Variants in GLIS3 observed in about 807,000 individuals in gnomAD.
The protein encoded by GLIS3 is zinc finger protein GLIS3.
A neutral mutation model predicts 78.6 loss-of-function variants in GLIS3; 53 were observed. The ratio of observed to expected loss-of-function variants is 0.67; its 90% CI spans 0.54 to 0.85. The LOEUF (loss-of-function observed/expected upper bound fraction) is 0.85, where lower values mean the gene tolerates loss of function less well. GLIS3 is among the 40% of genes least tolerant of loss of function. The probability of loss-of-function intolerance (pLI) is 0.00; values close to 1 mark genes in which losing one functional copy is unlikely to be tolerated. For missense variants in GLIS3, 1,703 were observed against 1,231.1 expected (o/e 1.38, Z -5.74); for synonymous variants, 684 against 509.9 (o/e 1.34, Z -4.60).
At chr9:4,009,896 G>A (rs2130014951) in intron 4 of GLIS3, among the ~76,000 whole-genome samples, 1 of 152,302 alleles carries the variant, frequency 6.6e-6, no homozygotes, top group East Asian at 1.9e-4. Context: ...ACACAAAGGA[G>A]GCTCTCAAGT....
At chr9:4,258,340 C>T (rs1825177364) in intron 2 of GLIS3, among the ~76,000 whole-genome samples, 1 of 152,060 alleles carries the variant, frequency 6.6e-6, no homozygotes, top group Non-Finnish European at 1.5e-5. Context: ...TATACCAATG[C>T]TGGTTTCTTA....
At chr9:4,293,146 C>T (rs1054803358) in intron 1 of GLIS3, among the ~76,000 whole-genome samples, 1 of 152,168 alleles carries the variant, frequency 6.6e-6, no homozygotes, top group Non-Finnish European at 1.5e-5. Flanking sequence ...ATTCATTATC[C>T]TTTAGTCTGT....
At chr9:4,354,105 G>C in the GLIS3 span, among the ~76,000 whole-genome samples, 1 of 151,870 alleles carries the variant, frequency 6.6e-6, no homozygotes, top group Non-Finnish European at 1.5e-5. Flanking sequence ...CAAAGCGCTG[G>C]GATTACAGGC....
At chr9:4,202,603 G>C (rs1415748674) in intron 2 of GLIS3, among the ~76,000 whole-genome samples, 2 of 152,064 alleles carry the variant, frequency 1.3e-5, no homozygotes, top group Admixed American at 6.6e-5. Flanking sequence ...ATCGCATGGT[G>C]AAAGTACAAA....
At chr9:3,873,628 A>G (rs2130410208) in intron 8 of GLIS3, among the ~76,000 whole-genome samples, 1 of 152,316 alleles carries the variant, frequency 6.6e-6, no homozygotes, top group Non-Finnish European at 1.5e-5. Context: ...ATTTCACATC[A>G]TATGCCCCAT....
intron 9 of GLIS3, among the ~76,000 whole-genome samples, chr9:3,831,674 A>C (rs7870349): frequency 0.99 from 150,874 of 152,324 alleles, 74,746 homozygotes; most frequent in Middle Eastern, 1. Flanking sequence ...ACAGGGACAG[A>C]GATTGCAGCG....
chr9:3,965,431 T>C (rs1014357138), intron 4 of GLIS3, among the ~76,000 whole-genome samples: 3 of 151,950 alleles, frequency 2.0e-5, no homozygotes, highest in African/African-American at 7.2e-5. Context: ...TGACCTCAGG[T>C]GATCTGCCCG....
the GLIS3 span, among the ~76,000 whole-genome samples, chr9:4,398,770 C>T: frequency 6.6e-6 from 1 of 152,178 alleles, no homozygotes; most frequent in Non-Finnish European, 1.5e-5. Flanking sequence ...TCACTGCAAC[C>T]TCTGCCTCCC....
In GLIS3 at chr9:4,321,621, A is replaced by AAT. The variant is rs544341751; in HGVS notation, n.265-11094_265-11093insAT. The stretch of plus-strand genomic sequence containing the variant: ...CCCAGTATCGAGAGCATTACCAATA[A>AAT]CTTACATGTCTCTTTGTGAACCTCC... On this transcript the variant is annotated intron_variant and non_coding_transcript_variant, in intron 2 of 4. Coordinates refer to the GLIS3 transcript ENST00000471664. 2.5e-3 allele frequency among the ~76,000 whole-genome samples: 331 copies of AAT among 132,558 alleles called. 2 individuals carry two copies. The highest frequency in any genetic ancestry group is 8.9e-3 in the African/African-American group (320 of 35,822). The allele number at this position is 132,558 out of a possible 152,430, so 87.0% of individuals were successfully genotyped here.
At chr9:4,003,970 A>G (rs1821334682) in intron 4 of GLIS3, among the ~76,000 whole-genome samples, 1 of 152,196 alleles carries the variant, frequency 6.6e-6, no homozygotes, top group African/African-American at 2.4e-5. Context: ...GATGACTATT[A>G]TTATGATGCC....
At chr9:4,010,133 G>C (rs986450501) in intron 4 of GLIS3, among the ~76,000 whole-genome samples, 1 of 152,110 alleles carries the variant, frequency 6.6e-6, no homozygotes, top group Non-Finnish European at 1.5e-5. Flanking sequence ...CCCGGGGTGG[G>C]GTGAGGGCAG....
At chr9:3,855,032 AT>A (rs1819676233) in intron 9 of GLIS3, among the ~76,000 whole-genome samples, 1 of 152,174 alleles carries the variant, frequency 6.6e-6, no homozygotes, top group Non-Finnish European at 1.5e-5. Flanking sequence ...GGACAGTAGT[AT>A]TTTTCAGAAG....
At chr9:4,096,555 A>C (rs1564042125) in intron 4 of GLIS3, among the ~76,000 whole-genome samples, 1 of 152,218 alleles carries the variant, frequency 6.6e-6, no homozygotes, top group Non-Finnish European at 1.5e-5. Flanking sequence ...TGGCTGAAGG[A>C]CTAAATTAAA....
Position 4,006,587 on chromosome 9 carries a change from A to G in GLIS3, c.1711-69398T>C, listed in dbSNP as rs568098655. 8.5e-5 allele frequency among the ~76,000 whole-genome samples: 13 copies of G among 152,282 alleles called. 1 individual carries two copies. In the South Asian group the frequency reaches 2.7e-3, roughly 32 times the overall value. On this transcript the variant is annotated intron_variant, in intron 4 of 10. Transcript: ENST00000381971. ...GACGACCAAACACCTAGCCCTTTATATGCATTAAGTACTCAGACCAATCTT... is the reference window on the plus strand; with the variant it reads ...GACGACCAAACACCTAGCCCTTTATGTGCATTAAGTACTCAGACCAATCTT...
chr9:4,118,497 C>G lies in GLIS3; in HGVS notation c.981G>C (p.Leu327Phe). 1 of 1,614,190 alleles carries G rather than the reference C, an allele frequency of 6.2e-7. No individual in the cohort carries two copies. The highest frequency in any genetic ancestry group is 2.2e-5 in the East Asian group (1 of 44,870). Reference protein sequence around the residue: ...NTIIRTSPTSLVAYINGSRAS... With the variant: ...NTIIRTSPTSFVAYINGSRAS... ...CCCTCGACCCGTTGATGTAGGCCAC[C>G]AAGGACGTGGGCGACGTGCGGATGA... Residue 327 changes from leucine to phenylalanine, a missense_variant, in exon 4 of 11, where the codon TTG becomes TTC. Transcript: ENST00000381971. The surrounding 1 kb of genome is among the most constrained non-coding windows in gnomAD (Gnocchi z 4.7).
chr9:4,064,842 G>A lies in GLIS3; in HGVS notation c.1710+52926C>T, dbSNP rs118089017. Among the ~76,000 whole-genome samples the A allele has an allele frequency of 4.4e-3, 673 of 152,156 alleles. 1 individual carries two copies. Among genetic ancestry groups the A allele is most frequent in the Non-Finnish European group, 7.5e-3 (513 of 67,998 alleles). ...TCAAACTGAAATTGAGGACTAATTC[G>A]GAAGGAACAAAATAGCAAGAGAGCA... On this transcript the variant is annotated intron_variant, in intron 4 of 10. Coordinates refer to ENST00000381971, the MANE Select transcript of GLIS3 (RefSeq NM_001042413.2).
At chr9:4,176,326 T>G (rs1392563852) in intron 2 of GLIS3, among the ~76,000 whole-genome samples, 1 of 152,202 alleles carries the variant, frequency 6.6e-6, no homozygotes, top group African/African-American at 2.4e-5. Flanking sequence ...AATCATAGTG[T>G]TTTAGGCTAT....
At chr9:4,310,672 C>G (rs964461452) in intron 2 of GLIS3, 3 of 152,372 alleles carry the variant, frequency 2.0e-5, no homozygotes, top group African/African-American at 7.2e-5. Flanking sequence ...CACCAGCCAT[C>G]TTGCAAGCAT....
At chr9:4,405,764 TA>T in the GLIS3 span, among the ~76,000 whole-genome samples, 739 of 143,916 alleles carry the variant, frequency 5.1e-3, 5 homozygotes, top group African/African-American at 0.016. Context: ...AAAGACACAT[TA>T]AAAAAAAAAA....
Sources: gnomAD v4.1 joint callset for allele counts (sites outside exome capture counted in the v4.1 genomes callset) on GRCh38, gnomAD v4.1.1 for gene constraint, Gnocchi (gnomAD v3.1) non-coding constraint, MANE v1.5 for transcripts, NCBI Gene and HGNC (gene_info 2026-07-23, HGNC 2026-07-21) for gene names.